The following PTPRH variants were observed in gnomAD, a reference collection of about 807,000 sequenced individuals.
PTPRH encodes the protein protein tyrosine phosphatase receptor type H, also known as receptor-type tyrosine-protein phosphatase H.
In PTPRH, 113 loss-of-function variants were observed where a neutral mutation model predicts 130.2. That is an observed-to-expected ratio of 0.87 (90% CI 0.75 to 1.01). The LOEUF (loss-of-function observed/expected upper bound fraction) is 1.01. Ranked by LOEUF, PTPRH falls within the 50% of genes least tolerant of loss-of-function variation. PTPRH has a pLI of 0.00. For missense variants in PTPRH, 1,430 were observed against 1,425.0 expected (o/e 1.00, Z -0.06); for synonymous variants, 556 against 577.9 (o/e 0.96, Z 0.54).
chr19:55,202,592 T>TACACACAC (rs146718002), intron 5 of PTPRH, among the ~76,000 whole-genome samples: 4 of 149,880 alleles, frequency 2.7e-5, no homozygotes, highest in African/African-American at 9.8e-5. Context: ...ATTGATCCTA[T>TACACACAC]ACACACACAC....
At chr19:55,186,387 G>T in intron 15 of PTPRH, 28 bp from the exon 16 acceptor site, 1 of 1,612,476 alleles carries the variant, frequency 6.2e-7, no homozygotes, top group Non-Finnish European at 8.5e-7. Flanking sequence ...GCGGGTCAGG[G>T]GGGCCTTTAG....
At chr19:55,196,945 A>G (rs80186358) in intron 9 of PTPRH, among the ~76,000 whole-genome samples, 157 bp from the exon 10 acceptor site, 140 of 152,224 alleles carry the variant, frequency 9.2e-4, no homozygotes, top group African/African-American at 3.3e-3. Context: ...AATGGACACA[A>G]ATAAGTCCTT....
At chr19:55,187,453 T>A in intron 14 of PTPRH, 60 bp downstream of exon 14, 1 of 1,385,368 alleles carries the variant, frequency 7.2e-7, no homozygotes, top group Non-Finnish European at 1.0e-6. Context: ...AGAAGGGGAC[T>A]GGGGTGGGGT....
chr19:55,198,782 C>T lies in PTPRH; in HGVS notation c.1551G>A (p.Met517Ile). The change falls in exon 8 of 20, where the codon ATG becomes ATA. Residue 517 changes from methionine (M) to isoleucine (I), a missense_variant. Transcript: ENST00000376350. ...SYWVSWVREG[M>I]TDPRTQSTSG... ...AGGTGCTTTGGGTCCTGGGGTCAGT[C>T]ATGCCTTCCCTGACCCATGAGACCC... 6.2e-7 allele frequency: 1 copy of T among 1,613,884 alleles called. No homozygotes were observed. Among genetic ancestry groups the T allele is most frequent in the Non-Finnish European group, 8.5e-7 (1 of 1,179,876 alleles).
chr19:55,182,383 G>C (rs3760870), intron 18 of PTPRH, among the ~76,000 whole-genome samples: 11,322 of 152,202 alleles, frequency 0.074, 942 homozygotes, highest in Admixed American at 0.24. Context: ...AATTAGCCGG[G>C]TATGGTGGCG....
At chr19:55,196,423 T>G in intron 10 of PTPRH, 99 bp downstream of exon 10, 17 of 1,378,182 alleles carry the variant, frequency 1.2e-5, no homozygotes, top group Non-Finnish European at 1.6e-5. Flanking sequence ...TCAAAGGAAA[T>G]GAGAAACAAA....
chr19:55,205,656 C>T (rs1171757323), intron 3 of PTPRH, 64 bp from the exon 4 acceptor site: 26 of 1,592,116 alleles, frequency 1.6e-5, no homozygotes, highest in Non-Finnish European at 2.1e-5. Context: ...TCCAGCCCTT[C>T]CTTAACCGTT....
At chr19:55,191,965 C>A (rs1468071903) in intron 10 of PTPRH, 1 of 663,134 alleles carries the variant, frequency 1.5e-6, no homozygotes, top group Non-Finnish European at 2.8e-6. Flanking sequence ...CCTACCTCCT[C>A]CTCCTCCTCC....
Position 55,185,994 on chromosome 19 carries a change from G to T in PTPRH, c.2779-10C>A. Reference sequence around the variant, plus strand: ...AATGCTCACACTTCACCTGGGGGAGGAGGAGGGGTCAGAGAACACAACTCC... The same window carrying T: ...AATGCTCACACTTCACCTGGGGGAGTAGGAGGGGTCAGAGAACACAACTCC... On this transcript the variant is annotated splice_polypyrimidine_tract_variant and intron_variant, in intron 16 of 19. Transcript: ENST00000376350. 1 of 1,613,906 alleles carries T rather than the reference G, an allele frequency of 6.2e-7. No individual in the cohort carries two copies. The highest frequency in any genetic ancestry group is 8.5e-7 in the Non-Finnish European group (1 of 1,179,884).
rs572152682 is a variant in PTPRH at position 55,209,187 on chromosome 19, G to A, written c.51+196C>T. ...GGCCCGGGTGAAGCTGGTGTCCCCC[G>A]CAGCAGACACGACAGTATCTAAGAG... is the stretch of plus-strand genomic sequence containing the variant. On this transcript the variant is annotated intron_variant, in intron 1 of 19. Transcript: ENST00000376350. This position sits in a 1 kb window ranked among gnomAD's most constrained non-coding sequence, Gnocchi z 4.1. Among the ~76,000 whole-genome samples the A allele has an allele frequency of 2.6e-5, 4 of 151,980 alleles. No individual in the cohort carries two copies. The highest frequency in any genetic ancestry group is 1.9e-4 in the East Asian group (1 of 5,196).
chr19:55,196,067 A>G (rs1266061915), intron 10 of PTPRH, among the ~76,000 whole-genome samples: 2 of 152,132 alleles, frequency 1.3e-5, no homozygotes, highest in African/African-American at 4.8e-5. Flanking sequence ...TTGTGAATAT[A>G]AGAAGAGTCA....
At position 55,203,847 on chromosome 19, in the gene PTPRH, G is replaced by A. The variant is rs148343769; in HGVS notation, c.821C>T (p.Thr274Met). The change falls in exon 5 of 20, where the codon ACG becomes ATG. Residue 274 changes from threonine to methionine, a missense_variant. Physicochemically the swap from Thr to Met is moderately conservative, Grantham distance 81. Coordinates refer to ENST00000376350, the MANE Select transcript of PTPRH (RefSeq NM_002842.5). The part of the protein sequence containing the change: ...VDGLGPGSLY[T>M]CSVWVEKDGV... ...GTCTTTCTCCACCCACACAGAACAC[G>A]TATACAATGACCCGGGTCCAAGGCC... 5.3e-5 allele frequency: 86 copies of A among 1,614,154 alleles called. No individual in the cohort carries two copies. The highest frequency in any genetic ancestry group is 3.4e-4 in the South Asian group (31 of 91,086).
chr19:55,203,733 C>T (rs2086947442), intron 5 of PTPRH, 49 bp downstream of exon 5: 1 of 1,560,476 alleles, frequency 6.4e-7, no homozygotes. Context: ...CCACCCCCTA[C>T]CACTGTCCTT....
At chr19:55,195,183 G>A (rs752274147) in intron 10 of PTPRH, among the ~76,000 whole-genome samples, 4 of 152,124 alleles carry the variant, frequency 2.6e-5, no homozygotes, top group African/African-American at 9.7e-5. Flanking sequence ...AAGTTAGCTG[G>A]GCGTGGTAGG....
At chr19:55,199,291 A>G (rs562724691) in intron 7 of PTPRH, among the ~76,000 whole-genome samples, 57 of 152,136 alleles carry the variant, frequency 3.7e-4, no homozygotes, top group African/African-American at 1.4e-3. Flanking sequence ...TGGGAGACAG[A>G]GCAGGACCGT....
chr19:55,198,601 C>T (rs761857029), intron 8 of PTPRH, 42 bp downstream of exon 8: 5 of 1,506,806 alleles, frequency 3.3e-6, no homozygotes, highest in Admixed American at 4.2e-5. Flanking sequence ...TTTTCCTTCC[C>T]CCATCCTAAT....
chr19:55,205,128 C>G (rs565839558), intron 4 of PTPRH, among the ~76,000 whole-genome samples, 198 bp downstream of exon 4: 1 of 152,162 alleles, frequency 6.6e-6, no homozygotes, highest in Non-Finnish European at 1.5e-5. Flanking sequence ...AGACACAGAC[C>G]GGCCCCAGCT....
Position 55,200,451 on chromosome 19 carries a change from A to C in PTPRH, c.1205T>G (p.Ile402Ser). Residue 402 changes from isoleucine to serine, a missense_variant, in exon 7 of 20, where the codon ATC (isoleucine) becomes AGC (serine). Transcript: ENST00000376350. ...ATCGGGGACTTCCCAGCATAGGGCGATGGAGCTGTTGGTCTGAGTCTCCAT... is the reference window on the plus strand; with the variant it reads ...ATCGGGGACTTCCCAGCATAGGGCGCTGGAGCTGTTGGTCTGAGTCTCCAT... ...LHMETQTNSS[I>S]ALCWEVPDGP... 1 of 1,614,114 alleles carries C rather than the reference A, an allele frequency of 6.2e-7. No individual in the cohort carries two copies. Among genetic ancestry groups the C allele is most frequent in the East Asian group, 2.2e-5 (1 of 44,882 alleles).
At chr19:55,183,277 G>A (rs144423590) in intron 18 of PTPRH, among the ~76,000 whole-genome samples, 1,762 of 149,942 alleles carry the variant, frequency 0.012, 37 homozygotes, top group African/African-American at 0.038. Context: ...GGTGGCGGGC[G>A]CCTGTAGTCC....
Sources: gnomAD v4.1 joint callset for allele counts (sites outside exome capture counted in the v4.1 genomes callset) on GRCh38, gnomAD v4.1.1 for gene constraint, Gnocchi (gnomAD v3.1) non-coding constraint, MANE v1.5 for transcripts, NCBI Gene and HGNC (gene_info 2026-07-23, HGNC 2026-07-21) for gene names.